Variants in BRD10 observed in about 807,000 individuals in gnomAD.
BRD10 encodes uncharacterized bromodomain-containing protein 10.
At chr9:5,970,407 G>A in the BRD10 span, among the ~76,000 whole-genome samples, 3 of 152,134 alleles carry the variant, frequency 2.0e-5, no homozygotes, top group Admixed American at 6.5e-5. Context: ...AGGTTAATAG[G>A]AATATGAGTG....
the BRD10 span, among the ~76,000 whole-genome samples, chr9:5,882,101 T>A: frequency 1.3e-5 from 2 of 152,288 alleles, no homozygotes; most frequent in South Asian, 4.1e-4. Context: ...CAGTGCTTAA[T>A]AGGAAACAGC....
chr9:5,916,500 T>C, the BRD10 span, among the ~76,000 whole-genome samples: 1 of 147,966 alleles, frequency 6.8e-6, no homozygotes, highest in African/African-American at 2.5e-5. Flanking sequence ...TGTATATATA[T>C]GTATGTGTAT....
chr9:5,919,723 C>T, the BRD10 span: 2 of 1,612,464 alleles, frequency 1.2e-6, no homozygotes, highest in South Asian at 1.1e-5. Context: ...AGCCCGACGA[C>T]TGAAAAGCAG....
At chr9:5,975,683 T>C in the BRD10 span, among the ~76,000 whole-genome samples, 1 of 152,014 alleles carries the variant, frequency 6.6e-6, no homozygotes, top group Non-Finnish European at 1.5e-5. Flanking sequence ...AGAGAGAAAC[T>C]GTCCAAACTG....
At chr9:5,975,761 C>G in the BRD10 span, among the ~76,000 whole-genome samples, 2 of 151,940 alleles carry the variant, frequency 1.3e-5, no homozygotes, top group African/African-American at 4.8e-5. Context: ...AAAAGAAGTT[C>G]TAAAATGTGA....
chr9:5,954,066 T>A, the BRD10 span: 57 of 1,561,414 alleles, frequency 3.7e-5, no homozygotes, highest in Non-Finnish European at 4.7e-5. Context: ...CTCTTCTTTG[T>A]GATTGCTTTT....
the BRD10 span, chr9:5,890,966 T>C: frequency 2.0e-5 from 3 of 152,290 alleles, no homozygotes; most frequent in East Asian, 5.8e-4. Flanking sequence ...GCCATAATCA[T>C]AGTCCTCTTC....
At chr9:5,982,172 G>T in the BRD10 span, among the ~76,000 whole-genome samples, 4 of 152,036 alleles carry the variant, frequency 2.6e-5, no homozygotes, top group Admixed American at 2.0e-4. Context: ...AAAATGCATG[G>T]AAATGACCAC....
the BRD10 span, among the ~76,000 whole-genome samples, chr9:5,970,389 T>C: frequency 6.6e-6 from 1 of 152,116 alleles, no homozygotes; most frequent in Non-Finnish European, 1.5e-5. Context: ...CAAAAGTAAA[T>C]AATTTCTAGG....
the BRD10 span, among the ~76,000 whole-genome samples, chr9:5,935,968 T>A: frequency 6.6e-6 from 1 of 152,242 alleles, no homozygotes; most frequent in Non-Finnish European, 1.5e-5. Context: ...TAATCTAACT[T>A]GATGACTTGG....
chr9:5,967,010 G>T, the BRD10 span, among the ~76,000 whole-genome samples: 2 of 152,102 alleles, frequency 1.3e-5, no homozygotes, highest in African/African-American at 2.4e-5. Flanking sequence ...ACATTCAATT[G>T]TATTTAATGA....
the BRD10 span, among the ~76,000 whole-genome samples, chr9:5,960,987 AATAC>A: frequency 1.1e-3 from 175 of 152,334 alleles, 2 homozygotes; most frequent in African/African-American, 4.1e-3. Context: ...CCTATTCAAA[AATAC>A]ATAGTCTTTG....
At chr9:5,957,051 AT>A in the BRD10 span, among the ~76,000 whole-genome samples, 1 of 152,158 alleles carries the variant, frequency 6.6e-6, no homozygotes, top group African/African-American at 2.4e-5. Flanking sequence ...ACTGACAACG[AT>A]TTTAAATAAT....
chr9:5,934,358 CTTTT>C, the BRD10 span, among the ~76,000 whole-genome samples: 9 of 129,988 alleles, frequency 6.9e-5, no homozygotes, highest in Admixed American at 8.0e-5. Flanking sequence ...TTACGCTTTT[CTTTT>C]TTTTTTTTTT....
At chr9:5,912,158 T>C in the BRD10 span, among the ~76,000 whole-genome samples, 3 of 152,360 alleles carry the variant, frequency 2.0e-5, no homozygotes, top group Middle Eastern at 6.8e-3. Context: ...GGGATTACTT[T>C]CTTGATTTTT....
the BRD10 span, among the ~76,000 whole-genome samples, chr9:5,896,598 A>G: frequency 6.6e-6 from 1 of 152,222 alleles, no homozygotes; most frequent in Non-Finnish European, 1.5e-5. Context: ...TCAGCTCTGC[A>G]GAAACTTTCT....
At chr9:5,971,527 A>T in the BRD10 span, among the ~76,000 whole-genome samples, 59 of 152,234 alleles carry the variant, frequency 3.9e-4, 1 homozygote, top group African/African-American at 1.2e-3. Flanking sequence ...ATAAATACAT[A>T]AATAGTAAGA....
the BRD10 span, chr9:5,906,774 T>C: frequency 6.3e-6 from 4 of 637,384 alleles, no homozygotes; most frequent in Non-Finnish European, 1.1e-5. Context: ...AGCAAGTAAG[T>C]GGCAGAACCT....
chr9:5,967,727 C>T, the BRD10 span, among the ~76,000 whole-genome samples: 7 of 140,466 alleles, frequency 5.0e-5, 1 homozygote, highest in South Asian at 7.0e-4. Context: ...ATTTCATAAG[C>T]GATGGGAAAG....
Sources: gnomAD v4.1 joint callset for allele counts (sites outside exome capture counted in the v4.1 genomes callset) on GRCh38, gnomAD v4.1.1 for gene constraint, MANE v1.5 for transcripts, NCBI Gene and HGNC (gene_info 2026-07-23, HGNC 2026-07-21) for gene names.